EIF2AK3: variants seen among roughly 807,000 people sequenced by gnomAD.
The protein encoded by EIF2AK3 is eukaryotic translation initiation factor 2-alpha kinase 3.
Under a neutral mutation model 113.5 loss-of-function variants are expected in EIF2AK3, and 50 were observed. The observed-to-expected ratio is 0.44, with a 90% CI of 0.35 to 0.56. The LOEUF (loss-of-function observed/expected upper bound fraction) is 0.56. EIF2AK3 is among the 20% of genes least tolerant of loss of function. The probability of loss-of-function intolerance (pLI) is 0.00; values close to 1 mark genes in which losing one functional copy is unlikely to be tolerated. For missense variants in EIF2AK3, 1,185 were observed against 1,378.0 expected (o/e 0.86, Z 2.22); for synonymous variants, 448 against 495.4 (o/e 0.90, Z 1.27).
chr2:88,607,200 A>G (rs2104460289), intron 2 of EIF2AK3, among the ~76,000 whole-genome samples: 1 of 152,324 alleles, frequency 6.6e-6, no homozygotes, highest in African/African-American at 2.4e-5. Flanking sequence ...GATCCTAAAG[A>G]AAAAACGATG....
intron 9 of EIF2AK3, 152 bp from the exon 10 acceptor site, chr2:88,583,694 T>A: frequency 1.5e-6 from 1 of 659,038 alleles, no homozygotes; most frequent in South Asian, 1.8e-5. Flanking sequence ...GCATTTTGCT[T>A]TATTATAAAA....
intron 10 of EIF2AK3, among the ~76,000 whole-genome samples, chr2:88,581,037 C>T (rs1674587135): frequency 6.6e-6 from 1 of 152,044 alleles, no homozygotes; most frequent in Non-Finnish European, 1.5e-5. Context: ...AGAGTAACAT[C>T]TTATATGTGA....
chr2:88,564,181 C>G (rs183195362), intron 14 of EIF2AK3, among the ~76,000 whole-genome samples: 1 of 152,144 alleles, frequency 6.6e-6, no homozygotes, highest in Admixed American at 6.5e-5. Context: ...TAATTACAAC[C>G]AAGAACAAAG....
intron 2 of EIF2AK3, among the ~76,000 whole-genome samples, chr2:88,596,771 G>T (rs1401596857): frequency 2.0e-5 from 3 of 152,160 alleles, no homozygotes; most frequent in Non-Finnish European, 4.4e-5. Context: ...AAGGTAGTCA[G>T]GTTTGGGATA....
chr2:88,580,420 C>G lies in EIF2AK3; in HGVS notation c.1764-780G>C, dbSNP rs975195727. 6.6e-5 allele frequency among the ~76,000 whole-genome samples: 10 copies of G among 152,304 alleles called. No individual in the cohort carries two copies. In the Middle Eastern group the frequency reaches 0.014, roughly 207 times the overall value. On this transcript the variant is annotated intron_variant, in intron 10 of 16. Transcript: ENST00000303236. ...TGCTCATCTCCTCACCTCTGTAAGGCTTTCTTAGACCCCTGTCTTGACATT... is the reference window on the plus strand; with the variant it reads ...TGCTCATCTCCTCACCTCTGTAAGGGTTTCTTAGACCCCTGTCTTGACATT...
intron 2 of EIF2AK3, among the ~76,000 whole-genome samples, chr2:88,605,222 C>T (rs1227421314): frequency 6.6e-6 from 1 of 152,146 alleles, no homozygotes; most frequent in South Asian, 2.1e-4. Context: ...AAAATATAAA[C>T]TCAGTCTAGC....
chr2:88,590,671 A>G (rs1674864885), intron 5 of EIF2AK3, 66 bp from the exon 6 acceptor site: 2 of 1,582,848 alleles, frequency 1.3e-6, no homozygotes, highest in African/African-American at 2.7e-5. Flanking sequence ...CAACCCATAA[A>G]ATACCATTTA....
chr2:88,590,610 AC>A lies in EIF2AK3; in HGVS notation c.1003-6del. The A allele has an allele frequency of 6.2e-7, 1 of 1,612,372 alleles. No homozygotes were observed. Among genetic ancestry groups the A allele is most frequent in the Non-Finnish European group, 8.5e-7 (1 of 1,179,744 alleles). ...AGATGCAATTGGAGTACAAAACTAA[AC>A]AAAAATGGAAAAAAGGTCTTAAATA... On this transcript the variant is annotated splice_region_variant and splice_polypyrimidine_tract_variant and intron_variant, in intron 5 of 16. Transcript: ENST00000303236.
At chr2:88,601,775 A>C (rs1178154756) in intron 2 of EIF2AK3, among the ~76,000 whole-genome samples, 1 of 151,890 alleles carries the variant, frequency 6.6e-6, no homozygotes, top group Non-Finnish European at 1.5e-5. Context: ...TCAATAAAAG[A>C]ACTAGAATAG....
chr2:88,582,435 A>T (rs568933455), intron 10 of EIF2AK3, among the ~76,000 whole-genome samples: 1 of 152,300 alleles, frequency 6.6e-6, no homozygotes, highest in South Asian at 2.1e-4. Flanking sequence ...TCACCCTACC[A>T]GATATAGAAT....
At chr2:88,605,549 A>G (rs1675249598) in intron 2 of EIF2AK3, among the ~76,000 whole-genome samples, 1 of 152,198 alleles carries the variant, frequency 6.6e-6, no homozygotes. Context: ...TATCAAGCCT[A>G]AAATTCTTTG....
At position 88,616,513 on chromosome 2, in the gene EIF2AK3, G is replaced by A. The variant is rs541438473; in HGVS notation, c.309-2660C>T. On this transcript the variant is annotated intron_variant, in intron 1 of 16. Coordinates refer to ENST00000303236, the MANE Select transcript of EIF2AK3 (RefSeq NM_004836.7). ...GCAATCTCGGCTCACTGCAACCTCC[G>A]CCTCCTGGGTTTAAGCAAGTCTCCA... is the stretch of plus-strand genomic sequence containing the variant. Among the ~76,000 whole-genome samples the A allele has an allele frequency of 5.3e-4, 81 of 152,184 alleles. 1 individual carries two copies. The highest frequency in any genetic ancestry group is 1.5e-3 in the African/African-American group (63 of 41,512).
intron 12 of EIF2AK3, 23 bp downstream of exon 12, chr2:88,576,531 G>T (rs757856112): frequency 1.9e-6 from 3 of 1,613,630 alleles, no homozygotes; most frequent in Non-Finnish European, 2.5e-6. Context: ...TAGCTTAAGT[G>T]TATGTGTAAC....
At position 88,570,940 on chromosome 2, in the gene EIF2AK3, G is replaced by C. The variant is rs374698464; in HGVS notation, c.2919C>G (p.Thr973=). The C allele has an allele frequency of 4.8e-5, 77 of 1,613,952 alleles. No homozygotes were observed. The highest frequency in any genetic ancestry group is 6.3e-5 in the Non-Finnish European group (74 of 1,180,028). ...TGTGTCTGGCATAAGCTGGCATTGG[G>C]GTCAGAACCGTCTGCTCTTCCTCAT... is the stretch of plus-strand genomic sequence containing the variant. ...DQDEEEQTVL[T]PMPAYARHTG... is the part of the protein sequence containing the mutation. The change falls in exon 14 of 17, where the codon ACC becomes ACG. Residue 973 remains threonine, a synonymous_variant. Transcript: ENST00000303236.
intron 3 of EIF2AK3, among the ~76,000 whole-genome samples, chr2:88,593,667 T>C (rs1025549285): frequency 5.9e-5 from 9 of 152,184 alleles, no homozygotes; most frequent in Non-Finnish European, 8.8e-5. Context: ...GAGATTTCCA[T>C]AGAATATACA....
intron 11 of EIF2AK3, among the ~76,000 whole-genome samples, chr2:88,577,871 G>A (rs1451295478): frequency 1.3e-5 from 2 of 152,164 alleles, no homozygotes; most frequent in Non-Finnish European, 2.9e-5. Context: ...AGCACCCAGA[G>A]CAAATGCCGC....
chr2:88,612,879 C>T (rs1271129618), intron 2 of EIF2AK3, among the ~76,000 whole-genome samples: 12 of 151,986 alleles, frequency 7.9e-5, no homozygotes, highest in Non-Finnish European at 2.9e-5. Flanking sequence ...AAGAACAACT[C>T]GATATAAAAG....
chr2:88,562,159 C>A lies in EIF2AK3; in HGVS notation c.3087+130G>T. ...CTAGAACTCCTCTCTGTGTTACTCA[C>A]ATCACCTCTTTCACTTTTAGTTAAC... is the stretch of plus-strand genomic sequence containing the variant. On this transcript the variant is annotated intron_variant, in intron 15 of 16. Transcript: ENST00000303236. 5 of 729,648 alleles carry A rather than the reference C, an allele frequency of 6.9e-6. No individual in the cohort carries two copies. The South Asian group carries it at 8.1e-5, about 12-fold the overall frequency. The allele number at this position is 729,648 out of a possible 1,614,324, so 45.2% of individuals were successfully genotyped here.
chr2:88,588,636 T>C, intron 7 of EIF2AK3, 125 bp downstream of exon 7: 1 of 968,874 alleles, frequency 1.0e-6, no homozygotes, highest in Non-Finnish European at 1.5e-6. Context: ...ACCATCATGG[T>C]TTATCAATAA....
Sources: gnomAD v4.1 joint callset for allele counts (sites outside exome capture counted in the v4.1 genomes callset) on GRCh38, gnomAD v4.1.1 for gene constraint, MANE v1.5 for transcripts, NCBI Gene and HGNC (gene_info 2026-07-23, HGNC 2026-07-21) for gene names.